Variants in PRR30 observed in about 807,000 individuals in gnomAD.
PRR30 encodes the protein proline rich 30, also known as proline-rich protein 30.
For missense variants in PRR30, 546 were observed against 525.3 expected (o/e 1.04, Z -0.39); for synonymous variants, 229 against 222.7 (o/e 1.03, Z -0.25).
chr2:27,137,370 T>C lies in PRR30; in HGVS notation c.960A>G (p.Glu320=), dbSNP rs866281198. 1 of 1,614,000 alleles carries C rather than the reference T, an allele frequency of 6.2e-7. No homozygotes were observed. The highest frequency in any genetic ancestry group is 1.3e-5 in the African/African-American group (1 of 74,948). The change falls in exon 3 of 3, where the codon GAA becomes GAG. Residue 320 remains glutamate (E), a synonymous_variant. Coordinates refer to ENST00000335524, the MANE Select transcript of PRR30 (RefSeq NM_178553.4). The surrounding 1 kb of genome is among the most constrained non-coding windows in gnomAD (Gnocchi z 4.3). The part of the protein sequence containing the change: ...LHLLPEKRPK[E]AGPQGKATQA... ...GAGTAGCCTTGCCCTGAGGCCCTGCTTCCTTCGGCCTTTTCTCGGGCAGCA... is the reference window on the plus strand; with the variant it reads ...GAGTAGCCTTGCCCTGAGGCCCTGCCTCCTTCGGCCTTTTCTCGGGCAGCA...
At position 27,138,467 on chromosome 2, in the gene PRR30, G is replaced by C; in HGVS notation, c.-138C>G. ...GTGCGCAGAGCGTGGCTCCAGCCTGGTGTGGGTGCAGGTGCTGGTGGCAGG... is the reference window on the plus strand; with the variant it reads ...GTGCGCAGAGCGTGGCTCCAGCCTGCTGTGGGTGCAGGTGCTGGTGGCAGG... On this transcript the variant is annotated 5_prime_UTR_variant, in exon 3 of 3. Transcript: ENST00000335524. 6.9e-7 allele frequency: 1 copy of C among 1,446,066 alleles called. No homozygotes were observed. Among genetic ancestry groups the C allele is most frequent in the Non-Finnish European group, 9.1e-7 (1 of 1,097,938 alleles). The allele number at this position is 1,446,066 out of a possible 1,614,324, so 89.6% of individuals were successfully genotyped here.
chr2:27,137,163 C>T lies in PRR30; in HGVS notation c.1167G>A (p.Leu389=). ...TTGGGCCAGGGCAAGGCCTGGGCTT[C>T]AGGGAGGTAGTGACCTGTTTTGGTG... The part of the protein sequence containing the change: ...PRAPKQVTTS[L]KPRPCPGPKR... The change falls in exon 3 of 3, where the codon CTG becomes CTA. Residue 389 remains leucine (L), a synonymous_variant. Coordinates refer to ENST00000335524, the MANE Select transcript of PRR30 (RefSeq NM_178553.4). The surrounding 1 kb of genome is among the most constrained non-coding windows in gnomAD (Gnocchi z 4.3). The T allele has an allele frequency of 6.2e-7, 1 of 1,614,170 alleles. No individual in the cohort carries two copies. The highest frequency in any genetic ancestry group is 1.1e-5 in the South Asian group (1 of 91,078).
rs768675313 is a variant in PRR30, at chr2:27,138,011, G to C, written c.319C>G (p.Arg107Gly). 4.3e-6 allele frequency: 7 copies of C among 1,613,328 alleles called. No homozygotes were observed. Among genetic ancestry groups the C allele is most frequent in the Non-Finnish European group, 5.9e-6 (7 of 1,179,784 alleles). ...FFHQNYLSLP[R>G]PRASSPSNHW... is the part of the protein sequence containing the mutation. Reference sequence around the variant, plus strand: ...TTGGAGGGAGAGGATGCACGTGGACGGGGGAGAGAGAGGTAGTTCTGGTGA... The same window carrying C: ...TTGGAGGGAGAGGATGCACGTGGACCGGGGAGAGAGAGGTAGTTCTGGTGA... The change falls in exon 3 of 3, where the codon CGT becomes GGT. Residue 107 changes from arginine (R) to glycine (G), a missense_variant. By Grantham distance (125) the Arg-to-Gly change is moderately radical (BLOSUM62 -2). Transcript: ENST00000335524.
Position 27,138,445 on chromosome 2 carries a change from C to T in PRR30, c.-116G>A, listed in dbSNP as rs1424720298. The T allele has an allele frequency of 1.6e-5, 23 of 1,465,356 alleles. No individual in the cohort carries two copies. Among genetic ancestry groups the T allele is most frequent in the Admixed American group, 1.1e-4 (4 of 36,504 alleles). The allele number at this position is 1,465,356 out of a possible 1,614,324, so 90.8% of individuals were successfully genotyped here. ...TGAGAAATCAAGGCCACCTTCTGTG[C>T]GCAGAGCGTGGCTCCAGCCTGGTGT... On this transcript the variant is annotated 5_prime_UTR_variant, in exon 3 of 3. Transcript: ENST00000335524.
rs1672518208 is a variant in PRR30 at position 27,136,899 on chromosome 2, G to A, written c.*192C>T. ...ACACGGAGGGCTGAATGGGGCCTTG[G>A]TGCCCTTGGTCCTCTTCAGCCTGGA... On this transcript the variant is annotated 3_prime_UTR_variant, in exon 3 of 3. Transcript: ENST00000335524. 7 of 749,596 alleles carry A rather than the reference G, an allele frequency of 9.3e-6. No individual in the cohort carries two copies. The Middle Eastern group carries it at 1.2e-3, about 125-fold the overall frequency. 46.4% of individuals were successfully genotyped at this position (749,596 alleles called of 1,614,324 possible). A position where few individuals can be genotyped will look rare whatever the true frequency, so the allele number is the denominator to read the frequency against.
At position 27,137,288 on chromosome 2, in the gene PRR30, C is replaced by A. The variant is rs562271681; in HGVS notation, c.1042G>T (p.Asp348Tyr). 1 of 1,614,200 alleles carries A rather than the reference C, an allele frequency of 6.2e-7. No individual in the cohort carries two copies. Among genetic ancestry groups the A allele is most frequent in the Non-Finnish European group, 8.5e-7 (1 of 1,180,036 alleles). The change falls in exon 3 of 3, where the codon GAC (aspartate) becomes TAC (tyrosine). Residue 348 changes from aspartate to tyrosine, a missense_variant. Coordinates refer to ENST00000335524, the MANE Select transcript of PRR30 (RefSeq NM_178553.4). The surrounding 1 kb of genome is among the most constrained non-coding windows in gnomAD (Gnocchi z 4.3). Reference sequence around the variant, plus strand: ...TGGGAGGGTGTGCCTGGGACTGGGTCGGCCCGGGCCTGAGCTGCTGGAGGC... The same window carrying A: ...TGGGAGGGTGTGCCTGGGACTGGGTAGGCCCGGGCCTGAGCTGCTGGAGGC... ...SQPPAAQARA[D>Y]PVPGTPSQTR...
chr2:27,138,513 C>T lies in PRR30; in HGVS notation c.-184G>A. 4.1e-6 allele frequency: 5 copies of T among 1,218,734 alleles called. No homozygotes were observed. The highest frequency in any genetic ancestry group is 5.5e-6 in the Non-Finnish European group (5 of 901,110). The allele number at this position is 1,218,734 out of a possible 1,614,324, so 75.5% of individuals were successfully genotyped here. A position where few individuals can be genotyped will look rare whatever the true frequency, so the allele number is the denominator to read the frequency against. ...GCAGGCCAAGGGGATACCCAGCCCT[C>T]CAGCACCAGGCTCTCAGGGTGTTCA... On this transcript the variant is annotated 5_prime_UTR_variant, in exon 3 of 3. Transcript: ENST00000335524.
rs558366083 is a variant in PRR30, at chr2:27,137,101, G to A, written c.1229C>T (p.Ser410Leu). 2.9e-5 allele frequency: 46 copies of A among 1,613,826 alleles called. No individual in the cohort carries two copies. The highest frequency in any genetic ancestry group is 3.8e-5 in the Non-Finnish European group (45 of 1,179,872). The change falls in exon 3 of 3, where the codon TCA (serine) becomes TTA (leucine). Residue 410 changes from serine (S) to leucine (L), a missense_variant. Transcript: ENST00000335524. This position sits in a 1 kb window ranked among gnomAD's most constrained non-coding sequence, Gnocchi z 4.3. ...TCCGTGGCTCTGGAACTAGACTGATGACTTTTGGAGAATGAGCTCCAGAGA... is the reference window on the plus strand; with the variant it reads ...TCCGTGGCTCTGGAACTAGACTGATAACTTTTGGAGAATGAGCTCCAGAGA... ...PVSLELILQK[S>L]SV is the part of the protein sequence containing the mutation.
chr2:27,139,061 C>T (rs76897518), intron 1 of PRR30, 39 bp from the exon 2 acceptor site: 1 of 152,346 alleles, frequency 6.6e-6, no homozygotes, highest in African/African-American at 2.4e-5. Context: ...GGTGGATACA[C>T]CTTTCTCTGT....
chr2:27,137,205 G>C lies in PRR30; in HGVS notation c.1125C>G (p.Ser375=), dbSNP rs368042400. ...GTTTTGGTGCCCGAGGTGGAGGCCC[G>C]GAGAAACATCGTGGGGAGTTTGGTG... The part of the protein sequence containing the change: ...LQSPNSPRCF[S]GPPPRAPKQV... The change falls in exon 3 of 3, where the codon TCC becomes TCG. Residue 375 remains serine, a synonymous_variant. Coordinates refer to ENST00000335524, the MANE Select transcript of PRR30 (RefSeq NM_178553.4). The surrounding 1 kb of genome is among the most constrained non-coding windows in gnomAD (Gnocchi z 4.3). 1.9e-6 allele frequency: 3 copies of C among 1,614,084 alleles called. No homozygotes were observed. Among genetic ancestry groups the C allele is most frequent in the Non-Finnish European group, 1.7e-6 (2 of 1,180,034 alleles).
Position 27,137,918 on chromosome 2 carries a change from G to A in PRR30, c.412C>T (p.Leu138Phe), listed in dbSNP as rs1558483581. Reference sequence around the variant, plus strand: ...GGGGACTGGCAAGGTGAGTGGGGAAGGGAGGAGTTCTGAGGCTGGGAGGGA... The same window carrying A: ...GGGGACTGGCAAGGTGAGTGGGGAAAGGAGGAGTTCTGAGGCTGGGAGGGA... ...FSPSQPQNSS[L>F]PHSPCQSPSH... is the part of the protein sequence containing the mutation. Residue 138 changes from leucine (L) to phenylalanine (F), a missense_variant, in exon 3 of 3, where the codon CTT (leucine) becomes TTT (phenylalanine). Physicochemically the swap from Leu to Phe is conservative, Grantham distance 22 (BLOSUM62 0). Coordinates refer to ENST00000335524, the MANE Select transcript of PRR30 (RefSeq NM_178553.4). The surrounding 1 kb of genome is among the most constrained non-coding windows in gnomAD (Gnocchi z 4.3). The A allele has an allele frequency of 1.9e-6, 3 of 1,609,394 alleles. No homozygotes were observed. Among genetic ancestry groups the A allele is most frequent in the Non-Finnish European group, 1.7e-6 (2 of 1,177,362 alleles).
At position 27,138,354 on chromosome 2, in the gene PRR30, G is replaced by A. The variant is rs2304679; in HGVS notation, c.-25C>T. ...TCGCCTTGAATCCAGAAGGAACTGG[G>A]GCAACAAGACTAGGGATAAGAGACC... On this transcript the variant is annotated 5_prime_UTR_variant, in exon 3 of 3. Coordinates refer to ENST00000335524, the MANE Select transcript of PRR30 (RefSeq NM_178553.4). 5,587 of 1,569,448 alleles carry A rather than the reference G, an allele frequency of 3.6e-3. 207 individuals carry two copies. In the East Asian group the frequency reaches 0.09, roughly 25 times the overall value.
chr2:27,137,645 G>T lies in PRR30; in HGVS notation c.685C>A (p.Arg229=), dbSNP rs780539367. 1.9e-6 allele frequency: 3 copies of T among 1,612,726 alleles called. No homozygotes were observed. The highest frequency in any genetic ancestry group is 3.3e-5 in the Admixed American group (2 of 59,982). The part of the protein sequence containing the change: ...LGHRRIAHDL[R]LLLLQHLWLG... ...CACAGGTGCTGCAAAAGCAGTAGCCGCAGGTCGTGTGCGATGCGGCGGTGC... is the reference window on the plus strand; with the variant it reads ...CACAGGTGCTGCAAAAGCAGTAGCCTCAGGTCGTGTGCGATGCGGCGGTGC... The change falls in exon 3 of 3, where the codon CGG becomes AGG. Residue 229 remains arginine, a synonymous_variant. Coordinates refer to ENST00000335524, the MANE Select transcript of PRR30 (RefSeq NM_178553.4). The surrounding 1 kb of genome is among the most constrained non-coding windows in gnomAD (Gnocchi z 4.3).
At position 27,137,138 on chromosome 2, in the gene PRR30, T is replaced by G; in HGVS notation, c.1192A>C (p.Lys398Gln). The change falls in exon 3 of 3, where the codon AAG becomes CAG. Residue 398 changes from lysine (K) to glutamine (Q), a missense_variant. Coordinates refer to ENST00000335524, the MANE Select transcript of PRR30 (RefSeq NM_178553.4). The surrounding 1 kb of genome is among the most constrained non-coding windows in gnomAD (Gnocchi z 4.3). ...SLKPRPCPGP[K>Q]RPVSLELILQ... ...ATGAGCTCCAGAGAAACTGGCCTCT[T>G]TGGGCCAGGGCAAGGCCTGGGCTTC... 6.2e-7 allele frequency: 1 copy of G among 1,614,152 alleles called. No individual in the cohort carries two copies. Among genetic ancestry groups the G allele is most frequent in the Non-Finnish European group, 8.5e-7 (1 of 1,180,014 alleles).
rs200670608 is a variant in PRR30, at chr2:27,138,326, A to C, written c.4T>G (p.Leu2Val). Reference protein sequence around the residue: MLPQNKDQVLPQ... With the variant: MVPQNKDQVLPQ... ...AGCACCTGGTCCTTGTTTTGAGGCA[A>C]CATCGCCTTGAATCCAGAAGGAACT... Residue 2 changes from leucine to valine, a missense_variant, in exon 3 of 3, where the codon TTG (leucine) becomes GTG (valine). Coordinates refer to ENST00000335524, the MANE Select transcript of PRR30 (RefSeq NM_178553.4). 2 of 1,593,658 alleles carry C rather than the reference A, an allele frequency of 1.3e-6. No individual in the cohort carries two copies. The highest frequency in any genetic ancestry group is 2.2e-5 in the East Asian group (1 of 44,598).
chr2:27,136,938 A>C lies in PRR30; in HGVS notation c.*153T>G, dbSNP rs1672518861. On this transcript the variant is annotated 3_prime_UTR_variant, in exon 3 of 3. Transcript: ENST00000335524. ...CTTCAGCCTGGAGACAGCAGACTCC[A>C]CAAGGGGCTCCCAGGGTTCAGAGCA... is the stretch of plus-strand genomic sequence containing the variant. 6.2e-6 allele frequency: 7 copies of C among 1,121,388 alleles called. No individual in the cohort carries two copies. The highest frequency in any genetic ancestry group is 7.4e-6 in the Non-Finnish European group (6 of 811,966). 69.5% of individuals were successfully genotyped at this position (1,121,388 alleles called of 1,614,324 possible). A position where few individuals can be genotyped will look rare whatever the true frequency, so the allele number is the denominator to read the frequency against.
At position 27,137,913 on chromosome 2, in the gene PRR30, G is replaced by T. The variant is rs750255025; in HGVS notation, c.417C>A (p.Pro139=). The change falls in exon 3 of 3, where the codon CCC becomes CCA. Residue 139 remains proline, a synonymous_variant. Transcript: ENST00000335524. The surrounding 1 kb of genome is among the most constrained non-coding windows in gnomAD (Gnocchi z 4.3). ...GGGAAGGGGACTGGCAAGGTGAGTG[G>T]GGAAGGGAGGAGTTCTGAGGCTGGG... The part of the protein sequence containing the change: ...SPSQPQNSSL[P]HSPCQSPSHP... 9.9e-6 allele frequency: 16 copies of T among 1,608,360 alleles called. No homozygotes were observed. In the African/African-American group the frequency reaches 1.6e-4, roughly 16 times the overall value.
rs752078499 is a variant in PRR30, at chr2:27,137,735, C to A, written c.595G>T (p.Glu199Ter). 1.9e-6 allele frequency: 3 copies of A among 1,614,110 alleles called. No individual in the cohort carries two copies. Among genetic ancestry groups the A allele is most frequent in the Middle Eastern group, 3.3e-4 (2 of 6,062 alleles). The change falls in exon 3 of 3, where the codon GAG becomes TAG. Residue 199 changes from glutamate (E) to a stop codon, truncating the protein, a stop_gained. Transcript: ENST00000335524. LOFTEE classifies it low-confidence loss of function (END_TRUNC). This position sits in a 1 kb window ranked among gnomAD's most constrained non-coding sequence, Gnocchi z 4.3. The stretch of plus-strand genomic sequence containing the variant: ...TCCCTGAACTGTGCAGGATCCTTCT[C>A]GCTTGGCACGCATCTCTCCACCACT... ...PGVVERCVPS[E>*]KDPAQFRDPG...
In PRR30 at chr2:27,137,698, AG is replaced by A. The variant is rs1558483426; in HGVS notation, c.631del (p.Leu211TrpfsTer28). On this transcript the variant is annotated frameshift_variant, in exon 3 of 3. Coordinates refer to ENST00000335524, the MANE Select transcript of PRR30 (RefSeq NM_178553.4). LOFTEE classifies it low-confidence loss of function (END_TRUNC). The surrounding 1 kb of genome is among the most constrained non-coding windows in gnomAD (Gnocchi z 4.3). ...CAGCTGGACCACCAGGGCCTGGGCCAGGGCCCCTGGGTCCCTGAACTGTGCA... is the reference window on the plus strand; with the variant it reads ...CAGCTGGACCACCAGGGCCTGGGCCAGGCCCCTGGGTCCCTGAACTGTGCA... Reference protein sequence around the residue: ...DPAQFRDPGALAQALVVQLGH... With the variant: ...DPAQFRDPGAXAQALVVQLGH... 6.2e-7 allele frequency: 1 copy of A among 1,613,618 alleles called. No homozygotes were observed. The highest frequency in any genetic ancestry group is 8.5e-7 in the Non-Finnish European group (1 of 1,179,984).
Sources: allele counts gnomAD v4.1 joint callset, GRCh38; gene constraint gnomAD v4.1.1; non-coding constraint Gnocchi (gnomAD v3.1); transcripts MANE v1.5; gene names NCBI Gene and HGNC (gene_info 2026-07-23, HGNC 2026-07-21).